The following RNF135 variants were observed in gnomAD, a reference collection of about 807,000 sequenced individuals.
RNF135 encodes the protein E3 ubiquitin-protein ligase RNF135.
In RNF135, 46 loss-of-function variants were observed where a neutral mutation model predicts 41.9. The observed-to-expected ratio is 1.10, with a 90% CI of 0.87 to 1.40. RNF135 has a LOEUF of 1.40. RNF135 is among the 40% of genes most tolerant of loss of function. The pLI, the probability that RNF135 is intolerant of heterozygous loss-of-function variation, is 0.00. For missense variants in RNF135, 539 were observed against 549.8 expected (o/e 0.98, Z 0.20); for synonymous variants, 238 against 223.8 (o/e 1.06, Z -0.57).
intron 3 of RNF135, among the ~76,000 whole-genome samples, chr17:30,990,467 T>C (rs1453612493): frequency 9.2e-5 from 14 of 152,102 alleles, no homozygotes; most frequent in Admixed American, 9.2e-4. Flanking sequence ...GAGGTTGCAG[T>C]GAGCCACTGC....
intron 3 of RNF135, among the ~76,000 whole-genome samples, chr17:30,995,882 T>C (rs1908320294): frequency 6.6e-6 from 1 of 151,642 alleles, no homozygotes; most frequent in South Asian, 2.1e-4. Flanking sequence ...GCCTCCCTAG[T>C]AGTAGCTGGG....
intron 1 of RNF135, among the ~76,000 whole-genome samples, chr17:30,974,670 A>T (rs1028363769): frequency 1.8e-4 from 26 of 144,678 alleles, no homozygotes; most frequent in African/African-American, 6.4e-4. Flanking sequence ...ATTCCTTTTT[A>T]TTATTATTAT....
upstream of RNF135, among the ~76,000 whole-genome samples, chr17:30,969,959 T>C (rs928832372): frequency 5.3e-5 from 8 of 152,124 alleles, no homozygotes; most frequent in Middle Eastern, 6.8e-3. Context: ...GTATTTTCAG[T>C]AGAGATGAGG....
Position 30,988,026 on chromosome 17 carries a change from T to C in RNF135, c.599T>C (p.Ile200Thr). The change falls in exon 3 of 5, where the codon ATT becomes ACT. Residue 200 changes from isoleucine (I) to threonine (T), a missense_variant. Ile to Thr is a moderately conservative substitution (Grantham distance 89). Coordinates refer to ENST00000328381, the MANE Select transcript of RNF135 (RefSeq NM_032322.4). ...SDTAAGKIRD[I>T]LHDLEEIQEK... ...ACAGCTGCAGGGAAAATCAGAGATATTCTCCATGACCTAGAAGAAATTCAG... is the reference window on the plus strand; with the variant it reads ...ACAGCTGCAGGGAAAATCAGAGATACTCTCCATGACCTAGAAGAAATTCAG... 6.2e-7 allele frequency: 1 copy of C among 1,614,132 alleles called. No homozygotes were observed. The highest frequency in any genetic ancestry group is 1.3e-5 in the African/African-American group (1 of 75,030).
intron 1 of RNF135, among the ~76,000 whole-genome samples, chr17:30,982,371 A>AT (rs1230878000): frequency 2.6e-4 from 40 of 152,170 alleles, no homozygotes; most frequent in Admixed American, 1.3e-4. Flanking sequence ...CGTCAGCTGA[A>AT]TTCAGCCCAG....
At chr17:30,983,489 G>GA (rs2142704883) in intron 1 of RNF135, among the ~76,000 whole-genome samples, 1 of 150,400 alleles carries the variant, frequency 6.6e-6, no homozygotes, top group South Asian at 2.1e-4. Flanking sequence ...AAGTAGCTGG[G>GA]ATTATAGGTG....
At chr17:30,998,639 T>G in intron 4 of RNF135, 23 bp from the exon 5 acceptor site, 1 of 1,611,300 alleles carries the variant, frequency 6.2e-7, no homozygotes, top group Non-Finnish European at 8.5e-7. Flanking sequence ...CATGTTCTTA[T>G]TGTTCTTTTT....
Position 30,971,345 on chromosome 17 carries a change from A to G in RNF135, c.272A>G (p.Glu91Gly). 1 of 1,533,156 alleles carries G rather than the reference A, an allele frequency of 6.5e-7. No individual in the cohort carries two copies. The allele number at this position is 1,533,156 out of a possible 1,614,324, so 95.0% of individuals were successfully genotyped here. ...GACAAGTACCGCCGCGCCGCACGCG[A>G]GATACAGGCGGGCTCCGACCCTGCC... is the stretch of plus-strand genomic sequence containing the variant. ...LADKYRRAAR[E>G]IQAGSDPAHC... Residue 91 changes from glutamate to glycine, a missense_variant, in exon 1 of 5, where the codon GAG becomes GGG. Physicochemically the swap from Glu to Gly is moderately conservative, Grantham distance 98. Coordinates refer to ENST00000328381, the MANE Select transcript of RNF135 (RefSeq NM_032322.4).
intron 2 of RNF135, among the ~76,000 whole-genome samples, chr17:30,987,726 C>T (rs1004117665): frequency 2.0e-5 from 3 of 151,422 alleles, no homozygotes; most frequent in Admixed American, 1.3e-4. Flanking sequence ...AACTCCATCA[C>T]CCAGAAATAA....
intron 3 of RNF135, among the ~76,000 whole-genome samples, chr17:30,988,531 C>G (rs1467336876): frequency 6.8e-6 from 1 of 146,094 alleles, no homozygotes; most frequent in Non-Finnish European, 1.5e-5. Flanking sequence ...GGGTTCATGC[C>G]ATTCTCCTGC....
At chr17:30,992,586 C>T (rs1231145097) in intron 3 of RNF135, among the ~76,000 whole-genome samples, 1 of 152,012 alleles carries the variant, frequency 6.6e-6, no homozygotes, top group Non-Finnish European at 1.5e-5. Context: ...CCTCCTTAGC[C>T]TCCTGAGTAG....
the RNF135 span, among the ~76,000 whole-genome samples, chr17:30,965,951 A>G: frequency 6.6e-6 from 1 of 152,196 alleles, no homozygotes; most frequent in South Asian, 2.1e-4. Flanking sequence ...TACAATAGTG[A>G]TGTTATCTAT....
intron 1 of RNF135, among the ~76,000 whole-genome samples, chr17:30,977,581 C>T (rs537998881): frequency 6.6e-6 from 1 of 152,250 alleles, no homozygotes; most frequent in East Asian, 1.9e-4. Flanking sequence ...ATCATGTTGT[C>T]CAGGCTGGTC....
At position 30,984,627 on chromosome 17, in the gene RNF135, A is replaced by T; in HGVS notation, c.383A>T (p.Glu128Val). 6.2e-7 allele frequency: 1 copy of T among 1,614,196 alleles called. No individual in the cohort carries two copies. The highest frequency in any genetic ancestry group is 8.5e-7 in the Non-Finnish European group (1 of 1,180,034). ...RRPELQRVAV[E>V]KSITEVAQEL... ...TTTGCTATTTTGAAGGTGGCAGTAG[A>T]GAAGAGCATCACAGAAGTTGCTCAG... Residue 128 changes from glutamate to valine, a missense_variant, in exon 2 of 5, where the codon GAG (glutamate) becomes GTG (valine). Glu to Val is a moderately radical substitution (Grantham distance 121). Transcript: ENST00000328381.
At chr17:30,963,868 C>A in the RNF135 span, among the ~76,000 whole-genome samples, 1 of 152,116 alleles carries the variant, frequency 6.6e-6, no homozygotes, top group Non-Finnish European at 1.5e-5. Flanking sequence ...ATAATCCCAG[C>A]ACTTTGGAGG....
upstream of RNF135, among the ~76,000 whole-genome samples, chr17:30,969,946 T>C (rs1202337224): frequency 6.6e-6 from 1 of 151,918 alleles, no homozygotes; most frequent in Non-Finnish European, 1.5e-5. Context: ...TTCTTTTCTT[T>C]TTGTATTTTC....
chr17:30,988,488 C>A (rs770872513), intron 3 of RNF135, among the ~76,000 whole-genome samples: 1 of 118,052 alleles, frequency 8.5e-6, no homozygotes, highest in Non-Finnish European at 1.6e-5. Flanking sequence ...AGTGCAGTGG[C>A]ACCATCTGGG....
chr17:30,988,416 A>ATTTTTTTTTTTTTTTTTTTTT (rs56955275), intron 3 of RNF135, among the ~76,000 whole-genome samples: 2 of 81,876 alleles, frequency 2.4e-5, no homozygotes, highest in Non-Finnish European at 4.8e-5. Flanking sequence ...GCCACTTTTA[A>ATTTTTTTTTTTTTTTTTTTTT]TTTTTTTTTT....
intron 1 of RNF135, among the ~76,000 whole-genome samples, chr17:30,982,686 T>G (rs1223816172): frequency 6.6e-6 from 1 of 152,208 alleles, no homozygotes; most frequent in Non-Finnish European, 1.5e-5. Flanking sequence ...GCTATCTTGC[T>G]CTGCCCTCTC....
Sources: allele counts gnomAD v4.1 joint callset (sites outside exome capture counted in the v4.1 genomes callset), GRCh38; gene constraint gnomAD v4.1.1; transcripts MANE v1.5; gene names NCBI Gene and HGNC (gene_info 2026-07-23, HGNC 2026-07-21).